GNPAT: variants seen among roughly 807,000 people sequenced by gnomAD.
The protein encoded by GNPAT is glyceronephosphate O-acyltransferase.
A neutral mutation model predicts 78.4 loss-of-function variants in GNPAT; 30 were observed. That is an observed-to-expected ratio of 0.38 (90% CI 0.29 to 0.52). The LOEUF (loss-of-function observed/expected upper bound fraction) is 0.52. GNPAT is among the 20% of genes least tolerant of loss of function. GNPAT has a pLI of 0.84. For missense variants in GNPAT, 714 were observed against 812.2 expected, an observed-to-expected ratio of 0.88 and a Z score of 1.47; for synonymous variants, 271 against 281.1, an observed-to-expected ratio of 0.96 and a Z score of 0.36.
intron 2 of GNPAT, among the ~76,000 whole-genome samples, chr1:231,256,729 G>A (rs539861166): frequency 1.4e-4 from 22 of 151,918 alleles, no homozygotes; most frequent in South Asian, 1.0e-3. Context: ...CTCGTGATCC[G>A]CCCGCCTCGG....
At position 231,241,279 on chromosome 1, in the gene GNPAT, G is replaced by A. The variant is rs909914193; in HGVS notation, c.-100G>A. 7 of 1,395,012 alleles carry A rather than the reference G, an allele frequency of 5.0e-6. No homozygotes were observed. Among genetic ancestry groups the A allele is most frequent in the South Asian group, 2.3e-5 (2 of 86,764 alleles). 86.4% of individuals were successfully genotyped at this position (1,395,012 alleles called of 1,614,324 possible). A position where few individuals can be genotyped will look rare whatever the true frequency, so the allele number is the denominator to read the frequency against. ...GCTGCAGAGGGTGCCGCCGCCCTAG[G>A]CGAAGTAGGGCCGTCCTGAGCGAAA... On this transcript the variant is annotated 5_prime_UTR_variant, in exon 1 of 16. Coordinates refer to ENST00000366647, the MANE Select transcript of GNPAT (RefSeq NM_014236.4).
chr1:231,261,024 A>T (rs1408904235), intron 3 of GNPAT, among the ~76,000 whole-genome samples: 1 of 152,204 alleles, frequency 6.6e-6, no homozygotes, highest in Non-Finnish European at 1.5e-5. Context: ...CTTCACCTAG[A>T]TTCCCTTACA....
Position 231,251,775 on chromosome 1 carries a change from A to C in GNPAT, c.261+632A>C, listed in dbSNP as rs189731158. On this transcript the variant is annotated intron_variant, in intron 2 of 15. Transcript: ENST00000366647. ...GTACTTTTCTCTTGGAGAAGCTATCAGTTTTCTCTGGTAGGAGATAGGTTG... is the reference window on the plus strand; with the variant it reads ...GTACTTTTCTCTTGGAGAAGCTATCCGTTTTCTCTGGTAGGAGATAGGTTG... Among the ~76,000 whole-genome samples the C allele has an allele frequency of 2.0e-5, 3 of 152,326 alleles. No homozygotes were observed. In the East Asian group the frequency reaches 5.8e-4, roughly 29 times the overall value.
chr1:231,277,364 C>T (rs1000342956), intron 15 of GNPAT, 135 bp from the exon 16 acceptor site: 16 of 708,578 alleles, frequency 2.3e-5, no homozygotes, highest in African/African-American at 1.4e-4. Context: ...CTGGCGTCCC[C>T]ATGGGTACTG....
intron 2 of GNPAT, among the ~76,000 whole-genome samples, chr1:231,259,794 C>G (rs1685173656): frequency 6.6e-6 from 1 of 152,148 alleles, no homozygotes; most frequent in Non-Finnish European, 1.5e-5. Context: ...AAGCACTCTC[C>G]TTTGGGAAGC....
chr1:231,275,645 G>T (rs1044069771), intron 14 of GNPAT, 147 bp downstream of exon 14: 2 of 677,934 alleles, frequency 3.0e-6, no homozygotes, highest in African/African-American at 1.8e-5. Context: ...AGTTAAGTCA[G>T]TGTGAGTTAT....
intron 1 of GNPAT, among the ~76,000 whole-genome samples, chr1:231,246,756 T>A (rs524661): frequency 6.6e-6 from 1 of 152,068 alleles, no homozygotes; most frequent in Non-Finnish European, 1.5e-5. Flanking sequence ...AAAAAGAATT[T>A]GGACAGCTGA....
At chr1:231,269,500 C>T (rs1004224385) in intron 9 of GNPAT, among the ~76,000 whole-genome samples, 1 of 152,192 alleles carries the variant, frequency 6.6e-6, no homozygotes, top group African/African-American at 2.4e-5. Context: ...GATGCCTGAG[C>T]CGCAGCAGTG....
chr1:231,268,647 C>T (rs539858521), intron 9 of GNPAT, among the ~76,000 whole-genome samples: 27 of 151,048 alleles, frequency 1.8e-4, no homozygotes, highest in African/African-American at 6.3e-4. Context: ...GTGGCTCACA[C>T]CTGTAATCCC....
intron 12 of GNPAT, chr1:231,274,896 A>T: frequency 3.2e-6 from 1 of 311,870 alleles, no homozygotes; most frequent in Non-Finnish European, 6.1e-6. Context: ...AAGCAAAGTT[A>T]TTAAAATCTG....
chr1:231,251,204 T>A, intron 2 of GNPAT, 61 bp downstream of exon 2: 1 of 993,744 alleles, frequency 1.0e-6, no homozygotes, highest in South Asian at 1.6e-5. Context: ...TTCTTAATTC[T>A]ATAACTTATT....
intron 2 of GNPAT, among the ~76,000 whole-genome samples, chr1:231,253,255 C>A (rs753891153): frequency 6.6e-6 from 1 of 152,222 alleles, no homozygotes; most frequent in Non-Finnish European, 1.5e-5. Context: ...AGGCGTGAGC[C>A]GCCACACCCG....
chr1:231,273,805 C>G, intron 11 of GNPAT, 117 bp from the exon 12 acceptor site: 1 of 797,094 alleles, frequency 1.3e-6, no homozygotes, highest in Non-Finnish European at 2.2e-6. Context: ...GGGCATGTGG[C>G]TGCATATATT....
intron 1 of GNPAT, among the ~76,000 whole-genome samples, chr1:231,250,128 G>A (rs1297136924): frequency 6.6e-6 from 1 of 150,838 alleles, no homozygotes; most frequent in Non-Finnish European, 1.5e-5. Flanking sequence ...TAGAGATGGG[G>A]TCTTGCTATG....
At chr1:231,245,925 C>T (rs746803497) in intron 1 of GNPAT, among the ~76,000 whole-genome samples, 2 of 151,870 alleles carry the variant, frequency 1.3e-5, no homozygotes, top group African/African-American at 2.4e-5. Context: ...GCCGAGATTG[C>T]GCCATTGCAC....
At chr1:231,249,524 A>G (rs2102800498) in intron 1 of GNPAT, among the ~76,000 whole-genome samples, 1 of 152,392 alleles carries the variant, frequency 6.6e-6, no homozygotes. Context: ...TTGGAAATAC[A>G]AAGAGAAAAT....
At chr1:231,274,165 C>A in intron 12 of GNPAT, 103 bp downstream of exon 12, 1 of 1,002,360 alleles carries the variant, frequency 1.0e-6, no homozygotes. Context: ...GTATCTTCCC[C>A]AGGCAAATGG....
chr1:231,265,960 T>G, intron 6 of GNPAT, 54 bp from the exon 7 acceptor site: 1 of 1,470,806 alleles, frequency 6.8e-7, no homozygotes. Context: ...TATGTGCTCA[T>G]GTTTGCTCTG....
intron 1 of GNPAT, among the ~76,000 whole-genome samples, chr1:231,248,413 C>T (rs185907781): frequency 7.2e-5 from 11 of 152,088 alleles, no homozygotes; most frequent in Admixed American, 7.2e-4. Context: ...GATTTGCCCT[C>T]TCAGGAGTGG....
Sources: gnomAD v4.1 joint callset for allele counts (sites outside exome capture counted in the v4.1 genomes callset) on GRCh38, gnomAD v4.1.1 for gene constraint, MANE v1.5 for transcripts, NCBI Gene and HGNC (gene_info 2026-07-23, HGNC 2026-07-21) for gene names.